The following HECW1 variants were observed in gnomAD, a reference collection of about 807,000 sequenced individuals.
The protein encoded by HECW1 is HECT, C2 and WW domain containing E3 ubiquitin protein ligase 1, also known as E3 ubiquitin-protein ligase HECW1.
HECW1 carries 61 observed loss-of-function variants against 182.3 expected under a neutral mutation model. The ratio of observed to expected loss-of-function variants is 0.33; its 90% CI spans 0.27 to 0.41. The LOEUF (loss-of-function observed/expected upper bound fraction) is 0.41, where lower values mean the gene tolerates loss of function less well. HECW1 is among the 10% of genes least tolerant of loss of function. The pLI, the probability that HECW1 is intolerant of heterozygous loss-of-function variation, is 1.00. For missense variants in HECW1, 1,739 were observed against 2,108.9 expected (o/e 0.82, Z 3.44); for synonymous variants, 859 against 832.6 (o/e 1.03, Z -0.55).
Position 43,459,103 on chromosome 7 carries a change from G to A in HECW1, c.2651+2656G>A, listed in dbSNP as rs149535584. Among the ~76,000 whole-genome samples, 476 of 152,244 alleles carry A rather than the reference G, an allele frequency of 3.1e-3. 2 individuals carry two copies. Among genetic ancestry groups the A allele is most frequent in the African/African-American group, 0.011 (462 of 41,530 alleles). ...AATGCCTCCCACCTGCCTCCCACCT[G>A]AAACATATCTCATCCTACAGACCTG... On this transcript the variant is annotated intron_variant, in intron 13 of 29. Transcript: ENST00000395891.
intron 3 of HECW1, among the ~76,000 whole-genome samples, chr7:43,300,369 T>C (rs931338933): frequency 6.6e-6 from 1 of 151,702 alleles, no homozygotes. Flanking sequence ...AGCACAAGAG[T>C]GGGCAGAGTG....
At chr7:43,256,782 A>G (rs73318477) in intron 3 of HECW1, among the ~76,000 whole-genome samples, 3,850 of 152,216 alleles carry the variant, frequency 0.025, 136 homozygotes, top group African/African-American at 0.078. Context: ...CCTAGAACAG[A>G]ACCTGCTATT....
intron 2 of HECW1, among the ~76,000 whole-genome samples, chr7:43,197,450 G>A (rs1583920423): frequency 6.6e-6 from 1 of 152,334 alleles, no homozygotes; most frequent in East Asian, 1.9e-4. Flanking sequence ...GCAAAGCGAT[G>A]CGTCCTGGGT....
intron 12 of HECW1, 21 bp from the exon 13 acceptor site, chr7:43,456,276 T>G: frequency 1.3e-6 from 2 of 1,541,546 alleles, no homozygotes; most frequent in East Asian, 2.3e-5. Flanking sequence ...TTTTTCTTTT[T>G]GCCTTTTTAT....
chr7:43,397,946 C>G (rs578164466), intron 7 of HECW1, among the ~76,000 whole-genome samples: 6 of 152,176 alleles, frequency 3.9e-5, no homozygotes, highest in Admixed American at 6.5e-5. Flanking sequence ...TTCTGTAAAC[C>G]CAGAATTATA....
intron 6 of HECW1, among the ~76,000 whole-genome samples, chr7:43,361,610 T>C (rs372846326): frequency 9.1e-4 from 139 of 152,280 alleles, no homozygotes; most frequent in African/African-American, 3.2e-3. Flanking sequence ...CCTGTGGTAA[T>C]AGATGCCATC....
chr7:43,364,247 C>A (rs1020153659), intron 6 of HECW1, among the ~76,000 whole-genome samples: 1 of 152,142 alleles, frequency 6.6e-6, no homozygotes, highest in Non-Finnish European at 1.5e-5. Context: ...CACGATGCAT[C>A]AATTCTTTTT....
intron 3 of HECW1, among the ~76,000 whole-genome samples, chr7:43,295,764 A>T (rs1584368789): frequency 6.6e-6 from 1 of 152,222 alleles, no homozygotes; most frequent in African/African-American, 2.4e-5. Flanking sequence ...GCTCTAAGCA[A>T]TAATTCCTAC....
intron 3 of HECW1, among the ~76,000 whole-genome samples, chr7:43,253,127 CT>C (rs111444306): frequency 0.12 from 18,101 of 149,444 alleles, 2,212 homozygotes; most frequent in African/African-American, 0.32. Context: ...AACATCCGCA[CT>C]TTAAAAAAAA....
chr7:43,551,866 C>G (rs185397015), intron 27 of HECW1, among the ~76,000 whole-genome samples: 1 of 152,234 alleles, frequency 6.6e-6, no homozygotes, highest in East Asian at 1.9e-4. Context: ...GGGCCACCTT[C>G]TGGTTCATAG....
intron 2 of HECW1, 40 bp downstream of exon 2, chr7:43,114,431 G>T: frequency 7.5e-7 from 1 of 1,326,780 alleles, no homozygotes; most frequent in Non-Finnish European, 9.9e-7. Context: ...AAAAATGTGT[G>T]TTTTCCACTA....
intron 6 of HECW1, among the ~76,000 whole-genome samples, chr7:43,374,324 A>G (rs993080987): frequency 6.6e-6 from 1 of 152,212 alleles, no homozygotes; most frequent in Non-Finnish European, 1.5e-5. Flanking sequence ...CTGAGAGAGC[A>G]AAGAATGGTA....
chr7:43,268,177 TCA>T (rs1447879096), intron 3 of HECW1, among the ~76,000 whole-genome samples: 16 of 152,232 alleles, frequency 1.1e-4, no homozygotes, highest in African/African-American at 3.4e-4. Context: ...GTCTCTGCCC[TCA>T]GGGTGGTTAC....
intron 2 of HECW1, among the ~76,000 whole-genome samples, chr7:43,227,372 A>C (rs1468572217): frequency 6.6e-6 from 1 of 152,308 alleles, no homozygotes; most frequent in African/African-American, 2.4e-5. Flanking sequence ...TACAAAGCTA[A>C]CAGTATTCAA....
At chr7:43,222,687 C>G (rs1797087239) in intron 2 of HECW1, among the ~76,000 whole-genome samples, 1 of 152,144 alleles carries the variant, frequency 6.6e-6, no homozygotes. Flanking sequence ...GTCTGGAAAC[C>G]TGACATGTGT....
chr7:43,127,896 A>T (rs1583605632), intron 2 of HECW1, among the ~76,000 whole-genome samples: 1 of 142,546 alleles, frequency 7.0e-6, no homozygotes. Flanking sequence ...TTTTTTTTTT[A>T]AAGACAAGGT....
chr7:43,472,783 A>G (rs2078074220), intron 16 of HECW1, among the ~76,000 whole-genome samples: 1 of 152,182 alleles, frequency 6.6e-6, no homozygotes, highest in African/African-American at 2.4e-5. Context: ...CAGCCATGAT[A>G]ATATAAAAGT....
Position 43,450,116 on chromosome 7 carries a change from G to A in HECW1, c.2399-712G>A, listed in dbSNP as rs548824852. Among the ~76,000 whole-genome samples, 17 of 151,880 alleles carry A rather than the reference G, an allele frequency of 1.1e-4. No homozygotes were observed. In the East Asian group the frequency reaches 2.3e-3, roughly 21 times the overall value. ...CTGTGTTTTGAGCTTTCCTGTCGCC[G>A]TCTTTCTGCTTTTTATCTACTTCCT... On this transcript the variant is annotated intron_variant, in intron 11 of 29. Coordinates refer to ENST00000395891, the MANE Select transcript of HECW1 (RefSeq NM_015052.5).
intron 3 of HECW1, among the ~76,000 whole-genome samples, chr7:43,304,096 T>C (rs867941882): frequency 1.4e-4 from 22 of 152,312 alleles, no homozygotes; most frequent in African/African-American, 4.8e-4. Context: ...GTGATTTTTG[T>C]GATCTCTTGT....
Sources: allele counts gnomAD v4.1 joint callset (sites outside exome capture counted in the v4.1 genomes callset), GRCh38; gene constraint gnomAD v4.1.1; transcripts MANE v1.5; gene names NCBI Gene and HGNC (gene_info 2026-07-23, HGNC 2026-07-21).